Variants in LRR1 observed in about 807,000 individuals in gnomAD.
LRR1 encodes leucine rich repeat protein 1.
Under a neutral mutation model 31.6 loss-of-function variants are expected in LRR1, and 29 were observed. That is an observed-to-expected ratio of 0.92 (90% CI 0.68 to 1.25). The LOEUF (loss-of-function observed/expected upper bound fraction) is 1.25. Among genes scored for constraint, LRR1 ranks in the 50% most tolerant of loss-of-function variants. The probability of loss-of-function intolerance (pLI) is 0.00; values close to 1 mark genes in which losing one functional copy is unlikely to be tolerated. For synonymous variants in LRR1, 179 were observed against 181.4 expected (o/e 0.99, Z 0.10); for missense variants, 485 against 487.2 (o/e 1.00, Z 0.04).
At position 49,607,921 on chromosome 14, in the gene LRR1, A is replaced by T. The variant is rs556295110; in HGVS notation, c.804A>T (p.Ile268=). 5 of 1,613,878 alleles carry T rather than the reference A, an allele frequency of 3.1e-6. No individual in the cohort carries two copies. The African/African-American group carries it at 6.7e-5, about 22-fold the overall frequency. ...DNELIQFPCK[I]GQLINLRFLS... ...AATTGATTCAATTTCCTTGCAAGAT[A>T]GGACAACTAATAAACCTTCGCTTTT... is the stretch of plus-strand genomic sequence containing the variant. Residue 268 remains isoleucine (I), a synonymous_variant, in exon 3 of 4, where the codon ATA becomes ATT. Transcript: ENST00000298288.
intron 1 of LRR1, among the ~76,000 whole-genome samples, chr14:49,601,896 GCC>G (rs1882070587): frequency 6.6e-6 from 1 of 151,754 alleles, no homozygotes; most frequent in Non-Finnish European, 1.5e-5. Flanking sequence ...ACTTTGGTAG[GCC>G]CAGGCAGGCA....
Position 49,607,400 on chromosome 14 carries a change from G to T in LRR1, c.283G>T (p.Ala95Ser), listed in dbSNP as rs1386977368. Residue 95 changes from alanine (A) to serine (S), a missense_variant and splice_region_variant, in exon 3 of 4, where the codon GCC becomes TCC. Physicochemically the swap from Ala to Ser is moderately conservative, Grantham distance 99. Transcript: ENST00000298288. ...AATTCTACAACTTTTATTTATTCAG[G>T]CCATTTCCAGCAGTTTAAAAGGTTT... The part of the protein sequence containing the change: ...EPPVDICLSK[A>S]ISSSLKGFLS... 1.3e-6 allele frequency: 2 copies of T among 1,550,038 alleles called. No individual in the cohort carries two copies. Among genetic ancestry groups the T allele is most frequent in the African/African-American group, 2.8e-5 (2 of 72,106 alleles).
intron 2 of LRR1, among the ~76,000 whole-genome samples, chr14:49,606,322 C>T (rs1882280061): frequency 6.7e-6 from 1 of 149,448 alleles, no homozygotes; most frequent in African/African-American, 2.5e-5. Context: ...CCACCAGTCC[C>T]AGCCTTTTTT....
chr14:49,601,755 T>C (rs1882061812), intron 1 of LRR1: 3 of 1,135,668 alleles, frequency 2.6e-6, no homozygotes, highest in Non-Finnish European at 2.3e-6. Flanking sequence ...GGAGAGTTAC[T>C]GGACAGACAG....
At position 49,598,998 on chromosome 14, in the gene LRR1, C is replaced by T. The variant is rs1401437436; in HGVS notation, c.-23C>T. The T allele has an allele frequency of 3.1e-6, 5 of 1,592,928 alleles. No individual in the cohort carries two copies. The highest frequency in any genetic ancestry group is 1.7e-4 in the Middle Eastern group (1 of 6,018). ...GGAGGAAGTTTCAAAGCCAGCTTGA[C>T]GTGGTTGTGGCCGTTGGGCGAGATG... On this transcript the variant is annotated 5_prime_UTR_variant, in exon 1 of 4. It adds an upstream start codon to the 5' untranslated region. Coordinates refer to ENST00000298288, the MANE Select transcript of LRR1 (RefSeq NM_152329.4).
chr14:49,606,657 T>A (rs117244481), intron 2 of LRR1, among the ~76,000 whole-genome samples: 61,093 of 149,614 alleles, frequency 0.41, 14,516 homozygotes, highest in Middle Eastern at 0.55. Flanking sequence ...AAATTTTTTT[T>A]TTTTTTTTTT....
intron 3 of LRR1, among the ~76,000 whole-genome samples, chr14:49,610,247 G>GT (rs397853358): frequency 0.42 from 57,950 of 139,372 alleles, 13,629 homozygotes; most frequent in Non-Finnish European, 0.53. Flanking sequence ...TTTGTTGAGG[G>GT]TTTTTTTTTT....
At chr14:49,607,172 C>T (rs1306056766) in intron 2 of LRR1, among the ~76,000 whole-genome samples, 1 of 151,950 alleles carries the variant, frequency 6.6e-6, no homozygotes, top group Non-Finnish European at 1.5e-5. Flanking sequence ...GCATGACTTC[C>T]CTTTGAACAG....
intron 2 of LRR1, among the ~76,000 whole-genome samples, chr14:49,604,871 A>G (rs1882223541): frequency 1.3e-5 from 2 of 151,982 alleles, no homozygotes; most frequent in South Asian, 4.1e-4. Flanking sequence ...TGATGGGTGG[A>G]AACAATGTCT....
At chr14:49,604,813 TG>T (rs1882220944) in intron 2 of LRR1, among the ~76,000 whole-genome samples, 1 of 121,912 alleles carries the variant, frequency 8.2e-6, no homozygotes, top group African/African-American at 3.0e-5. Flanking sequence ...TTAAAACTGG[TG>T]GTTTTTTTCT....
intron 3 of LRR1, 101 bp downstream of exon 3, chr14:49,608,222 C>T (rs1424865840): frequency 2.7e-5 from 33 of 1,230,330 alleles, no homozygotes; most frequent in Non-Finnish European, 4.4e-6. Flanking sequence ...CAGTGCTATG[C>T]ACAGTCTGAC....
In LRR1 at chr14:49,600,660, C is replaced by G. The variant is rs1882020486; in HGVS notation, c.183+1457C>G. 3 of 1,425,436 alleles carry G rather than the reference C, an allele frequency of 2.1e-6. No homozygotes were observed. The East Asian group carries it at 6.8e-5, about 33-fold the overall frequency. The allele number at this position is 1,425,436 out of a possible 1,614,324, so 88.3% of individuals were successfully genotyped here. On this transcript the variant is annotated intron_variant, in intron 1 of 3. Transcript: ENST00000298288. Reference sequence around the variant, plus strand: ...GAAACTGTCCATTTCTCTCAGAAAGCAAATGAAATGCTGCAGCTATACCCA... The same window carrying G: ...GAAACTGTCCATTTCTCTCAGAAAGGAAATGAAATGCTGCAGCTATACCCA...
intron 1 of LRR1, 50 bp from the exon 2 acceptor site, chr14:49,602,320 T>C: frequency 6.7e-7 from 1 of 1,503,282 alleles, no homozygotes; most frequent in Non-Finnish European, 9.2e-7. Context: ...TAAATGTTAC[T>C]GAGTAACAAT....
intron 1 of LRR1, among the ~76,000 whole-genome samples, chr14:49,599,816 G>A (rs1477385471): frequency 3.4e-5 from 5 of 146,312 alleles, no homozygotes; most frequent in Non-Finnish European, 6.1e-5. Flanking sequence ...GCAGCGCCGC[G>A]GGCCTGCGGC....
chr14:49,602,001 C>T (rs532198041), intron 1 of LRR1, among the ~76,000 whole-genome samples: 14 of 151,844 alleles, frequency 9.2e-5, no homozygotes, highest in Middle Eastern at 3.4e-3. Flanking sequence ...GGCATGGTGG[C>T]ACGCACCTGT....
chr14:49,606,164 T>G (rs1294917581), intron 2 of LRR1, among the ~76,000 whole-genome samples: 2 of 151,272 alleles, frequency 1.3e-5, no homozygotes, highest in Non-Finnish European at 2.9e-5. Context: ...GCAGCTGGGA[T>G]TACAGGCGCC....
intron 2 of LRR1, among the ~76,000 whole-genome samples, chr14:49,606,401 C>T (rs1002416101): frequency 3.9e-5 from 6 of 151,980 alleles, no homozygotes; most frequent in African/African-American, 1.4e-4. Context: ...TGCAGTGGCG[C>T]GATCTCGGCT....
rs1448295062 is a variant in LRR1, at chr14:49,607,385, C to T, written c.283-15C>T. The T allele has an allele frequency of 6.5e-7, 1 of 1,530,398 alleles. No individual in the cohort carries two copies. The highest frequency in any genetic ancestry group is 1.3e-5 in the South Asian group (1 of 76,156). The allele number at this position is 1,530,398 out of a possible 1,614,324, so 94.8% of individuals were successfully genotyped here. ...TCCAGTGGAATTTATAATTCTACAA[C>T]TTTTATTTATTCAGGCCATTTCCAG... On this transcript the variant is annotated splice_polypyrimidine_tract_variant and intron_variant, in intron 2 of 3. Transcript: ENST00000298288.
chr14:49,604,492 G>C (rs1882211772), intron 2 of LRR1, among the ~76,000 whole-genome samples: 1 of 152,048 alleles, frequency 6.6e-6, no homozygotes, highest in African/African-American at 2.4e-5. Flanking sequence ...TTGAATCCAG[G>C]TGTTCAAGAT....
Sources: gnomAD v4.1 joint callset for allele counts (sites outside exome capture counted in the v4.1 genomes callset) on GRCh38, gnomAD v4.1.1 for gene constraint, MANE v1.5 for transcripts, NCBI Gene and HGNC (gene_info 2026-07-23, HGNC 2026-07-21) for gene names.